MYRIP: variants seen among roughly 807,000 people sequenced by gnomAD.
The protein encoded by MYRIP is rab effector MyRIP.
A neutral mutation model predicts 98.0 loss-of-function variants in MYRIP; 49 were observed. The observed-to-expected ratio is 0.50, with a 90% CI of 0.40 to 0.63. The LOEUF (loss-of-function observed/expected upper bound fraction) is 0.63, where lower values mean the gene tolerates loss of function less well. Among genes scored for constraint, MYRIP ranks in the 30% least tolerant of loss-of-function variants. The pLI is 0.00. For synonymous variants in MYRIP, 404 were observed against 409.5 expected, an observed-to-expected ratio of 0.99 and a Z score of 0.16; for missense variants, 1,004 against 1,058.2, an observed-to-expected ratio of 0.95 and a Z score of 0.71.
At chr3:40,142,773 T>C (rs1167704830) in intron 3 of MYRIP, among the ~76,000 whole-genome samples, 1 of 152,186 alleles carries the variant, frequency 6.6e-6, no homozygotes, top group Non-Finnish European at 1.5e-5. Context: ...TGGAATCTTT[T>C]AAAAAATAAG....
At chr3:39,918,130 G>C (rs541619734) in intron 2 of MYRIP, among the ~76,000 whole-genome samples, 1 of 151,940 alleles carries the variant, frequency 6.6e-6, no homozygotes, top group African/African-American at 2.4e-5. Context: ...GTTTCACCGT[G>C]GTCTCGATCT....
intron 2 of MYRIP, among the ~76,000 whole-genome samples, chr3:39,908,651 A>G (rs1263070065): frequency 6.6e-6 from 1 of 152,180 alleles, no homozygotes; most frequent in African/African-American, 2.4e-5. Flanking sequence ...TTCTTCATTC[A>G]AGATTTATTT....
chr3:39,984,890 T>C (rs1224874213), intron 2 of MYRIP, among the ~76,000 whole-genome samples: 1 of 151,680 alleles, frequency 6.6e-6, no homozygotes, highest in African/African-American at 2.4e-5. Context: ...CAGCACCTGT[T>C]GTTTCCTGAC....
At chr3:40,146,143 C>A (rs112093688) in intron 3 of MYRIP, among the ~76,000 whole-genome samples, 1 of 151,804 alleles carries the variant, frequency 6.6e-6, no homozygotes, top group African/African-American at 2.4e-5. Context: ...CACTAAATAG[C>A]AGGTACAAAG....
chr3:40,161,680 C>A (rs1190969126), intron 4 of MYRIP, among the ~76,000 whole-genome samples: 2 of 152,224 alleles, frequency 1.3e-5, no homozygotes, highest in Non-Finnish European at 2.9e-5. Context: ...ACTGCATTTT[C>A]CTCCACTCAT....
rs149780274 is a variant in MYRIP at position 40,139,701 on chromosome 3, T to C, written c.333-11347T>C. 2.5e-3 allele frequency among the ~76,000 whole-genome samples: 379 copies of C among 152,280 alleles called. 3 individuals are homozygous for C. Among genetic ancestry groups the C allele is most frequent in the African/African-American group, 8.6e-3 (358 of 41,544 alleles). ...CTCAAGCAATCCTCCTGCTTCAGCC[T>C]CCCAAGTAGCTGGGACTACAGGCAC... On this transcript the variant is annotated intron_variant, in intron 3 of 16. Transcript: ENST00000302541.
chr3:39,934,104 A>G (rs571923556), intron 2 of MYRIP, among the ~76,000 whole-genome samples: 2 of 152,166 alleles, frequency 1.3e-5, no homozygotes, highest in Admixed American at 6.5e-5. Flanking sequence ...GGATTATACT[A>G]TCCTATCATG....
chr3:40,075,502 C>T (rs1279097122), intron 3 of MYRIP, among the ~76,000 whole-genome samples: 1 of 152,154 alleles, frequency 6.6e-6, no homozygotes, highest in African/African-American at 2.4e-5. Context: ...CATTTACTAG[C>T]TGTGTAATAT....
chr3:39,931,823 A>G (rs1944544608), intron 2 of MYRIP, among the ~76,000 whole-genome samples: 2 of 152,132 alleles, frequency 1.3e-5, no homozygotes, highest in South Asian at 2.1e-4. Context: ...AGACTTTTAG[A>G]TGTTATACCA....
In MYRIP at chr3:40,066,428, C is replaced by G. The variant is rs547512280; in HGVS notation, c.332+22157C>G. ...TTTTTCCTTTATTTATGTGGCATCC[C>G]CACTCCTGTTCAGAGGGTGTTGGCA... On this transcript the variant is annotated intron_variant, in intron 3 of 16. Coordinates refer to ENST00000302541, the MANE Select transcript of MYRIP (RefSeq NM_015460.4). Among the ~76,000 whole-genome samples the G allele has an allele frequency of 3.7e-4, 57 of 152,206 alleles. No homozygotes were observed. The South Asian group carries it at 0.011, about 29-fold the overall frequency.
intron 1 of MYRIP, among the ~76,000 whole-genome samples, chr3:39,869,227 T>A (rs1033264806): frequency 2.0e-5 from 3 of 152,210 alleles, no homozygotes; most frequent in Non-Finnish European, 4.4e-5. Flanking sequence ...CTTCCACAAG[T>A]TTCTGAGACT....
intron 3 of MYRIP, among the ~76,000 whole-genome samples, chr3:40,050,261 T>A (rs978732602): frequency 3.9e-5 from 6 of 152,160 alleles, no homozygotes; most frequent in Non-Finnish European, 7.4e-5. Context: ...GCTGTCTTGT[T>A]AGGGGCTGAT....
chr3:39,910,204 T>C (rs1245758443), intron 2 of MYRIP, among the ~76,000 whole-genome samples: 3 of 152,180 alleles, frequency 2.0e-5, no homozygotes, highest in Non-Finnish European at 4.4e-5. Context: ...TTCTTATCTA[T>C]TTACAAAATG....
At chr3:40,116,671 C>T (rs1241049873) in intron 3 of MYRIP, among the ~76,000 whole-genome samples, 1 of 152,192 alleles carries the variant, frequency 6.6e-6, no homozygotes, top group Non-Finnish European at 1.5e-5. Flanking sequence ...AACACGGCGT[C>T]CTTTGTTTTT....
At chr3:40,033,394 A>G (rs1277328036) in intron 2 of MYRIP, among the ~76,000 whole-genome samples, 3 of 152,032 alleles carry the variant, frequency 2.0e-5, no homozygotes, top group East Asian at 1.9e-4. Flanking sequence ...AAATCAATGT[A>G]CAAAAATCAC....
chr3:40,220,290 G>A (rs1376557926), intron 11 of MYRIP, among the ~76,000 whole-genome samples: 1 of 152,072 alleles, frequency 6.6e-6, no homozygotes, highest in Non-Finnish European at 1.5e-5. Context: ...TAGGTTGCCT[G>A]TTCACTCTGA....
intron 2 of MYRIP, among the ~76,000 whole-genome samples, chr3:39,931,582 G>GT (rs781247574): frequency 5.9e-5 from 9 of 152,024 alleles, no homozygotes; most frequent in South Asian, 2.1e-4. Flanking sequence ...TCCTTGTATT[G>GT]TTTTTTATCT....
intron 1 of MYRIP, among the ~76,000 whole-genome samples, chr3:39,874,563 T>C (rs1200773835): frequency 2.6e-5 from 4 of 152,218 alleles, no homozygotes; most frequent in Admixed American, 2.6e-4. Flanking sequence ...GTTGTTGAAT[T>C]GTGTCAAAGG....
chr3:40,249,250 T>C (rs74927690), intron 13 of MYRIP, among the ~76,000 whole-genome samples: 8,339 of 152,204 alleles, frequency 0.055, 390 homozygotes, highest in African/African-American at 0.13. Context: ...GAATGTACCA[T>C]CTCAGCAGAA....
Sources: allele counts gnomAD v4.1 joint callset (sites outside exome capture counted in the v4.1 genomes callset), GRCh38; gene constraint gnomAD v4.1.1; transcripts MANE v1.5; gene names NCBI Gene and HGNC (gene_info 2026-07-23, HGNC 2026-07-21).